The following GRID2 variants were observed in gnomAD, a reference collection of about 807,000 sequenced individuals.
GRID2 encodes the protein glutamate receptor ionotropic, delta-2.
A neutral mutation model predicts 114.8 loss-of-function variants in GRID2; 33 were observed. The observed-to-expected ratio is 0.29, with a 90% CI of 0.22 to 0.38. The LOEUF (loss-of-function observed/expected upper bound fraction) is 0.38, where lower values mean the gene tolerates loss of function less well. Among genes scored for constraint, GRID2 ranks in the 10% least tolerant of loss-of-function variants. The pLI is 1.00. For synonymous variants in GRID2, 505 were observed against 449.9 expected, an observed-to-expected ratio of 1.12 and a Z score of -1.55; for missense variants, 1,184 against 1,257.7, an observed-to-expected ratio of 0.94 and a Z score of 0.89.
intron 14 of GRID2, among the ~76,000 whole-genome samples, chr4:93,633,330 T>A (rs1721112051): frequency 6.6e-6 from 1 of 151,970 alleles, no homozygotes; most frequent in Non-Finnish European, 1.5e-5. Flanking sequence ...ATACAAATTA[T>A]TCAAAAAATT....
chr4:93,018,213 T>C (rs1722951538), intron 2 of GRID2, among the ~76,000 whole-genome samples: 1 of 102,582 alleles, frequency 9.7e-6, no homozygotes, highest in African/African-American at 5.9e-5. Flanking sequence ...GTTCCCAGTG[T>C]ATTTTGTTGA....
intron 6 of GRID2, among the ~76,000 whole-genome samples, chr4:93,222,619 C>T (rs1287220169): frequency 6.6e-6 from 1 of 151,908 alleles, no homozygotes; most frequent in Non-Finnish European, 1.5e-5. Context: ...TCACCCCTCC[C>T]CCAACCCCAC....
chr4:92,889,046 TGC>T (rs1746564905), intron 2 of GRID2, among the ~76,000 whole-genome samples: 1 of 152,164 alleles, frequency 6.6e-6, no homozygotes, highest in Non-Finnish European at 1.5e-5. Context: ...GCTAATGCAG[TGC>T]AAACCAAGAC....
intron 10 of GRID2, among the ~76,000 whole-genome samples, chr4:93,451,403 TC>T (rs1722668473): frequency 1.3e-5 from 2 of 152,084 alleles, no homozygotes; most frequent in South Asian, 4.1e-4. Context: ...ACTTGAAGTT[TC>T]AGGAGGGTCA....
intron 13 of GRID2, among the ~76,000 whole-genome samples, chr4:93,551,883 T>A (rs1178852152): frequency 6.6e-6 from 1 of 152,224 alleles, no homozygotes; most frequent in East Asian, 1.9e-4. Flanking sequence ...ATGTGTTTTT[T>A]AATTTTTTTA....
At chr4:92,452,497 G>T (rs893572687) in intron 1 of GRID2, among the ~76,000 whole-genome samples, 1 of 151,942 alleles carries the variant, frequency 6.6e-6, no homozygotes, top group Non-Finnish European at 1.5e-5. Flanking sequence ...TGTATTCTTA[G>T]TAGAGATGGG....
intron 13 of GRID2, among the ~76,000 whole-genome samples, chr4:93,608,442 C>A (rs1177741680): frequency 6.9e-6 from 1 of 144,344 alleles, no homozygotes; most frequent in Non-Finnish European, 1.5e-5. Flanking sequence ...GGTATATCTC[C>A]CAATGCTATC....
Position 93,757,739 on chromosome 4 carries a change from T to C in GRID2, c.2361-11471T>C, listed in dbSNP as rs191856955. On this transcript the variant is annotated intron_variant, in intron 14 of 15. Coordinates refer to ENST00000282020, the MANE Select transcript of GRID2 (RefSeq NM_001510.4). ...GGGAGGCAGAGGCGGGTGAATCATC[T>C]GAGGTCAGGAGTTCAAGACAATCCT... is the stretch of plus-strand genomic sequence containing the variant. Among the ~76,000 whole-genome samples the C allele has an allele frequency of 3.3e-3, 504 of 152,282 alleles. 7 individuals carry two copies. The highest frequency in any genetic ancestry group is 6.8e-4 in the Non-Finnish European group (46 of 68,030).
At chr4:93,252,777 G>A (rs566763165) in intron 8 of GRID2, among the ~76,000 whole-genome samples, 66 of 151,916 alleles carry the variant, frequency 4.3e-4, no homozygotes, top group African/African-American at 1.4e-3. Context: ...TGTAGAGATC[G>A]TTCACTTCCC....
Position 92,964,192 on chromosome 4 carries a change from G to A in GRID2, c.245-120803G>A, listed in dbSNP as rs116462129. Among the ~76,000 whole-genome samples, 533 of 152,110 alleles carry A rather than the reference G, an allele frequency of 3.5e-3. 3 individuals carry two copies. Among genetic ancestry groups the A allele is most frequent in the Middle Eastern group, 6.8e-3 (2 of 294 alleles). On this transcript the variant is annotated intron_variant, in intron 2 of 15. Transcript: ENST00000282020. ...CATTGGCTTCAACTTAAAGTCAGCA[G>A]CTGCATTAGCCCCTAACAAGAGAGT...
chr4:93,001,864 T>C (rs1185738823), intron 2 of GRID2, among the ~76,000 whole-genome samples: 1 of 151,712 alleles, frequency 6.6e-6, no homozygotes, highest in Non-Finnish European at 1.5e-5. Flanking sequence ...CATGTCTGTC[T>C]CATGAGTTCA....
intron 13 of GRID2, among the ~76,000 whole-genome samples, chr4:93,530,628 A>G (rs1452846146): frequency 1.3e-5 from 2 of 152,084 alleles, no homozygotes; most frequent in Non-Finnish European, 2.9e-5. Flanking sequence ...CTTTCTTAAC[A>G]ATGTATCCAT....
In GRID2 at chr4:92,713,489, AT is replaced by A. The variant is rs1210875267; in HGVS notation, c.244+123204del. Among the ~76,000 whole-genome samples, 579 of 121,136 alleles carry A rather than the reference AT, an allele frequency of 4.8e-3. 10 individuals carry two copies. Among genetic ancestry groups the A allele is most frequent in the African/African-American group, 0.018 (549 of 31,044 alleles). The allele number at this position is 121,136 out of a possible 152,430, so 79.5% of individuals were successfully genotyped here. ...CATATACATATACATATATATATATATATATATATATATATATATATATATA... is the reference window on the plus strand; with the variant it reads ...CATATACATATACATATATATATATAATATATATATATATATATATATATA... On this transcript the variant is annotated intron_variant, in intron 2 of 15. Transcript: ENST00000282020.
intron 2 of GRID2, among the ~76,000 whole-genome samples, chr4:92,849,151 A>G (rs112224104): frequency 6.6e-6 from 1 of 151,906 alleles, no homozygotes; most frequent in African/African-American, 2.4e-5. Context: ...TTGAAACTGG[A>G]TGATGTCAAT....
intron 2 of GRID2, among the ~76,000 whole-genome samples, chr4:92,885,641 G>A (rs1040892293): frequency 6.6e-6 from 1 of 152,088 alleles, no homozygotes; most frequent in African/African-American, 2.4e-5. Context: ...CGTTTTTATT[G>A]TTTGGGGATT....
chr4:93,200,809 C>T (rs1300326874), intron 4 of GRID2, among the ~76,000 whole-genome samples: 2 of 152,070 alleles, frequency 1.3e-5, no homozygotes, highest in Non-Finnish European at 2.9e-5. Flanking sequence ...TGTTCCAAAC[C>T]GTACTAATCC....
chr4:93,807,424 C>T (rs1230770304), exon 2 of GRID2: 1 of 152,152 alleles, frequency 6.6e-6, no homozygotes, highest in African/African-American at 2.4e-5. Context: ...CTCCATATTT[C>T]TAGAACAACA....
chr4:93,219,574 A>G (rs1298980455), intron 6 of GRID2, among the ~76,000 whole-genome samples: 1 of 152,216 alleles, frequency 6.6e-6, no homozygotes, highest in Non-Finnish European at 1.5e-5. Context: ...TTTAATATAC[A>G]TAGACAGAGA....
intron 2 of GRID2, among the ~76,000 whole-genome samples, chr4:92,859,461 T>C (rs1744389739): frequency 1.3e-5 from 2 of 152,164 alleles, no homozygotes; most frequent in Non-Finnish European, 2.9e-5. Context: ...AGAATATCTT[T>C]GAGGTCTGAC....
Sources: allele counts gnomAD v4.1 joint callset (sites outside exome capture counted in the v4.1 genomes callset), GRCh38; gene constraint gnomAD v4.1.1; transcripts MANE v1.5; gene names NCBI Gene and HGNC (gene_info 2026-07-23, HGNC 2026-07-21).